The following ELAPOR2 variants were observed in gnomAD, a reference collection of about 807,000 sequenced individuals.
ELAPOR2 encodes the protein endosome-lysosome associated apoptosis and autophagy regulator family member 2, also known as endosome/lysosome-associated apoptosis and autophagy regulator family member 2.
A neutral mutation model predicts 120.7 loss-of-function variants in ELAPOR2; 89 were observed. The ratio of observed to expected loss-of-function variants is 0.74; its 90% CI spans 0.62 to 0.88. The LOEUF (loss-of-function observed/expected upper bound fraction) is 0.88. Among genes scored for constraint, ELAPOR2 ranks in the 40% least tolerant of loss-of-function variants. ELAPOR2 has a pLI of 0.00. For synonymous variants in ELAPOR2, 444 were observed against 444.9 expected (o/e 1.00, Z 0.03); for missense variants, 1,134 against 1,251.6 (o/e 0.91, Z 1.42).
chr7:86,956,290 ATT>A (rs1386262975), intron 2 of ELAPOR2, among the ~76,000 whole-genome samples: 1 of 152,202 alleles, frequency 6.6e-6, no homozygotes, highest in East Asian at 1.9e-4. Context: ...TTCATCTTTC[ATT>A]TTACAAAACA....
intron 1 of ELAPOR2, among the ~76,000 whole-genome samples, chr7:86,991,154 G>A (rs568447664): frequency 2.0e-5 from 3 of 152,322 alleles, no homozygotes; most frequent in African/African-American, 7.2e-5. Context: ...GTAAGATACA[G>A]ATTAAGGGCT....
chr7:87,001,187 C>A (rs972606364), intron 1 of ELAPOR2, among the ~76,000 whole-genome samples: 1 of 152,078 alleles, frequency 6.6e-6, no homozygotes, highest in African/African-American at 2.4e-5. Context: ...TAGTGAGACA[C>A]GTGTGTTTAA....
chr7:87,059,104 C>G (rs986683758), intron 1 of ELAPOR2, among the ~76,000 whole-genome samples: 1 of 151,920 alleles, frequency 6.6e-6, no homozygotes, highest in African/African-American at 2.4e-5. Flanking sequence ...AAGACACAAG[C>G]GCGGACAGAA....
rs906491675 is a variant in ELAPOR2 at position 86,944,980 on chromosome 7, G to A, written c.573C>T (p.Ile191=). 6.4e-7 allele frequency: 1 copy of A among 1,550,660 alleles called. No individual in the cohort carries two copies. Among genetic ancestry groups the A allele is most frequent in the Middle Eastern group, 1.7e-4 (1 of 5,990 alleles). ...SNRDDCTVSL[I]YAVHLKKSGY... ...CTGACTTCTTAAGGTGCACAGCATA[G>A]ATCAAAGACACCGTGCAGTCATCAC... Residue 191 remains isoleucine, a synonymous_variant, in exon 4 of 22, where the codon ATC becomes ATT. Coordinates refer to ENST00000450689, the MANE Select transcript of ELAPOR2 (RefSeq NM_001142749.3).
chr7:86,930,830 C>T (rs1219412936), intron 8 of ELAPOR2, among the ~76,000 whole-genome samples: 1 of 151,938 alleles, frequency 6.6e-6, no homozygotes, highest in Non-Finnish European at 1.5e-5. Context: ...TCTAAGTTCA[C>T]CAGAGTTCTT....
chr7:87,052,538 A>G (rs1795140727), intron 1 of ELAPOR2, among the ~76,000 whole-genome samples: 1 of 152,164 alleles, frequency 6.6e-6, no homozygotes, highest in Non-Finnish European at 1.5e-5. Flanking sequence ...CTGGGCTTCA[A>G]TCCCAGGGTT....
intron 5 of ELAPOR2, 69 bp from the exon 6 acceptor site, chr7:86,940,184 A>G: frequency 1.1e-6 from 1 of 888,774 alleles, no homozygotes; most frequent in Non-Finnish European, 1.8e-6. Flanking sequence ...ACTCCCTTAC[A>G]TACTTTTTCA....
At chr7:86,939,732 A>G (rs1028505134) in intron 6 of ELAPOR2, among the ~76,000 whole-genome samples, 1 of 152,112 alleles carries the variant, frequency 6.6e-6, no homozygotes, top group African/African-American at 2.4e-5. Context: ...TCTTATTAAC[A>G]CAGAGACATT....
chr7:86,951,338 T>C (rs1324966228), intron 2 of ELAPOR2, among the ~76,000 whole-genome samples: 3 of 152,236 alleles, frequency 2.0e-5, no homozygotes, highest in Non-Finnish European at 4.4e-5. Context: ...GTTGATTATC[T>C]ATAACTTAAT....
chr7:86,909,326 T>C (rs1789184717), intron 16 of ELAPOR2, among the ~76,000 whole-genome samples: 1 of 152,036 alleles, frequency 6.6e-6, no homozygotes, highest in Non-Finnish European at 1.5e-5. Context: ...GCTAGATTCT[T>C]CTTGAAACTT....
intron 3 of ELAPOR2, among the ~76,000 whole-genome samples, chr7:86,945,519 G>A (rs973656050): frequency 1.3e-5 from 2 of 152,128 alleles, no homozygotes; most frequent in South Asian, 2.1e-4. Context: ...GTCAGTGATG[G>A]ACTTGGCTTT....
chr7:86,917,695 C>A (rs16888246), intron 12 of ELAPOR2, among the ~76,000 whole-genome samples: 1 of 151,964 alleles, frequency 6.6e-6, no homozygotes, highest in East Asian at 1.9e-4. Flanking sequence ...ACAAAGTCTG[C>A]CTTCATTTAA....
chr7:87,056,740 A>G (rs906206063), intron 1 of ELAPOR2, among the ~76,000 whole-genome samples: 1 of 152,228 alleles, frequency 6.6e-6, no homozygotes, highest in Non-Finnish European at 1.5e-5. Flanking sequence ...TTCTGAACTC[A>G]GGCAATTATA....
At chr7:86,883,388 T>C (rs992394568) in intron 21 of ELAPOR2, among the ~76,000 whole-genome samples, 2 of 152,142 alleles carry the variant, frequency 1.3e-5, no homozygotes, top group African/African-American at 2.4e-5. Flanking sequence ...CATTTTTTGC[T>C]CTCTGAAATC....
chr7:87,056,495 C>G (rs1275658529), intron 1 of ELAPOR2, among the ~76,000 whole-genome samples: 1 of 152,200 alleles, frequency 6.6e-6, no homozygotes, highest in East Asian at 1.9e-4. Flanking sequence ...CTTTGACTTT[C>G]CTTTTATTTC....
chr7:86,959,379 G>A (rs1392447678), intron 2 of ELAPOR2, among the ~76,000 whole-genome samples: 1 of 152,132 alleles, frequency 6.6e-6, no homozygotes, highest in East Asian at 1.9e-4. Flanking sequence ...TGGTGAAGGT[G>A]AACGGGATCC....
intron 6 of ELAPOR2, among the ~76,000 whole-genome samples, 185 bp downstream of exon 6, chr7:86,939,825 G>GA (rs1460462012): frequency 1.3e-5 from 2 of 151,878 alleles, no homozygotes; most frequent in Non-Finnish European, 2.9e-5. Context: ...AAGGGTACAA[G>GA]AAAAAAAGAA....
At chr7:86,931,924 C>T (rs1215729744) in intron 8 of ELAPOR2, among the ~76,000 whole-genome samples, 1 of 151,870 alleles carries the variant, frequency 6.6e-6, no homozygotes, top group African/African-American at 2.4e-5. Context: ...ATTCTGGTAA[C>T]TGTAACCATC....
intron 1 of ELAPOR2, among the ~76,000 whole-genome samples, chr7:87,004,411 C>G (rs968812523): frequency 2.0e-5 from 3 of 152,164 alleles, no homozygotes; most frequent in Non-Finnish European, 4.4e-5. Flanking sequence ...TTTCACTTTG[C>G]CTTACAAAAG....
Sources: gnomAD v4.1 joint callset for allele counts (sites outside exome capture counted in the v4.1 genomes callset) on GRCh38, gnomAD v4.1.1 for gene constraint, MANE v1.5 for transcripts, NCBI Gene and HGNC (gene_info 2026-07-23, HGNC 2026-07-21) for gene names.